The following GPM6A variants were observed in gnomAD, a reference collection of about 807,000 sequenced individuals.
The protein encoded by GPM6A is neuronal membrane glycoprotein M6-a.
Under a neutral mutation model 32.1 loss-of-function variants are expected in GPM6A, and 7 were observed. The observed-to-expected ratio is 0.22, with a 90% CI of 0.12 to 0.41. The LOEUF (loss-of-function observed/expected upper bound fraction) is 0.41, where lower values mean the gene tolerates loss of function less well. Ranked by LOEUF, GPM6A falls within the 10% of genes least tolerant of loss-of-function variation. The pLI, the probability that GPM6A is intolerant of heterozygous loss-of-function variation, is 1.00. For missense variants in GPM6A, 235 were observed against 347.2 expected (o/e 0.68, Z 2.57); for synonymous variants, 130 against 123.4 (o/e 1.05, Z -0.35).
intron 1 of GPM6A, among the ~76,000 whole-genome samples, chr4:175,866,954 C>A (rs562425212): frequency 2.0e-5 from 3 of 152,272 alleles, no homozygotes; most frequent in African/African-American, 7.2e-5. Flanking sequence ...AGATTTTGGA[C>A]ATTCTACCAG....
At chr4:175,730,598 G>C (rs995153281) in intron 1 of GPM6A, among the ~76,000 whole-genome samples, 1 of 152,076 alleles carries the variant, frequency 6.6e-6, no homozygotes, top group Non-Finnish European at 1.5e-5. Flanking sequence ...AGCCTCCTGA[G>C]TAGGTGGGAC....
chr4:175,712,628 A>G (rs73004338), intron 1 of GPM6A, among the ~76,000 whole-genome samples: 6,688 of 152,296 alleles, frequency 0.044, 288 homozygotes, highest in African/African-American at 0.11. Flanking sequence ...ACACTGAGGG[A>G]AACATGTCCC....
At chr4:175,898,592 T>A (rs1481134142) in intron 1 of GPM6A, among the ~76,000 whole-genome samples, 9 of 152,160 alleles carry the variant, frequency 5.9e-5, no homozygotes, top group African/African-American at 2.2e-4. Flanking sequence ...TGTGACTGTC[T>A]GTTTCCATTT....
intron 2 of GPM6A, among the ~76,000 whole-genome samples, chr4:175,700,493 T>A (rs928247208): frequency 1.3e-5 from 2 of 152,134 alleles, no homozygotes; most frequent in African/African-American, 4.8e-5. Context: ...TAAATGAGAA[T>A]TGTGATCAAC....
At chr4:175,880,007 T>G (rs1737218156) in intron 1 of GPM6A, among the ~76,000 whole-genome samples, 1 of 152,176 alleles carries the variant, frequency 6.6e-6, no homozygotes, top group Non-Finnish European at 1.5e-5. Flanking sequence ...TTCTAGGGAT[T>G]TTATGGTTTT....
chr4:175,677,932 C>G (rs1185847365), intron 2 of GPM6A, among the ~76,000 whole-genome samples: 1 of 152,130 alleles, frequency 6.6e-6, no homozygotes. Context: ...AAGTTTTAGC[C>G]TAAGTCAGTC....
chr4:175,896,768 A>G (rs17062216), intron 1 of GPM6A, among the ~76,000 whole-genome samples: 13,445 of 152,068 alleles, frequency 0.088, 1,875 homozygotes, highest in African/African-American at 0.3. Flanking sequence ...ATAATATCTT[A>G]GTAAAGCAAC....
intron 1 of GPM6A, among the ~76,000 whole-genome samples, chr4:175,781,744 T>C (rs17659554): frequency 0.02 from 3,073 of 152,300 alleles, 55 homozygotes; most frequent in Non-Finnish European, 0.031. Context: ...GAACTTTGGG[T>C]GTGCTATATA....
intron 1 of GPM6A, among the ~76,000 whole-genome samples, chr4:175,887,767 T>G: frequency 1.3e-5 from 2 of 152,014 alleles, no homozygotes; most frequent in Middle Eastern, 3.4e-3. Flanking sequence ...TTGAAAATGT[T>G]GATGAAATTC....
chr4:175,998,234 A>G (rs1229749353), intron 1 of GPM6A, among the ~76,000 whole-genome samples: 2 of 151,362 alleles, frequency 1.3e-5, no homozygotes, highest in Non-Finnish European at 2.9e-5. Flanking sequence ...GCTCACTGCA[A>G]CCTCTGCCTC....
intron 1 of GPM6A, among the ~76,000 whole-genome samples, chr4:175,958,824 A>T (rs2333330): frequency 0.98 from 148,936 of 152,312 alleles, 72,905 homozygotes; most frequent in East Asian, 1. Context: ...CACAGTTTAC[A>T]CTCTTACTGC....
Position 175,862,004 on chromosome 4 carries a change from T to A in GPM6A, c.-22-49755A>T, listed in dbSNP as rs527881224. ...ACTCTGTTAATCTAAAATTACCATT[T>A]GTAACTGACATAGCGTGTACATTAA... On this transcript the variant is annotated intron_variant, in intron 1 of 7. Coordinates refer to the GPM6A transcript ENST00000280187. 2.0e-5 allele frequency among the ~76,000 whole-genome samples: 3 copies of A among 152,346 alleles called. No individual in the cohort carries two copies. In the East Asian group the frequency reaches 5.8e-4, roughly 29 times the overall value.
intron 1 of GPM6A, among the ~76,000 whole-genome samples, chr4:175,907,596 A>C (rs989719633): frequency 1.3e-5 from 2 of 152,054 alleles, no homozygotes; most frequent in Admixed American, 6.6e-5. Flanking sequence ...CAGGAAAGTC[A>C]CTCTCACCTT....
intron 2 of GPM6A, among the ~76,000 whole-genome samples, chr4:175,685,017 A>G (rs13121082): frequency 0.39 from 59,946 of 151,908 alleles, 14,258 homozygotes; most frequent in Non-Finnish European, 0.51. Flanking sequence ...CCTCCCGAGT[A>G]GCTGGGACTA....
chr4:175,869,460 A>G lies in GPM6A; in HGVS notation c.-22-57211T>C, dbSNP rs1736837068. 2.6e-5 allele frequency among the ~76,000 whole-genome samples: 4 copies of G among 152,254 alleles called. No homozygotes were observed. In the South Asian group the frequency reaches 8.3e-4, roughly 32 times the overall value. ...ATATATCACATTTATTTATTTAAAAAAAAACAACAAAACTACATCTGGGCA... is the reference window on the plus strand; with the variant it reads ...ATATATCACATTTATTTATTTAAAAGAAAACAACAAAACTACATCTGGGCA... On this transcript the variant is annotated intron_variant, in intron 1 of 7. Coordinates refer to the GPM6A transcript ENST00000280187.
chr4:175,637,879 T>C (rs928202311), intron 6 of GPM6A, among the ~76,000 whole-genome samples: 1 of 117,312 alleles, frequency 8.5e-6, no homozygotes. Flanking sequence ...ATATAATATT[T>C]ATATATTATA....
chr4:175,642,297 G>A, intron 4 of GPM6A, among the ~76,000 whole-genome samples: 1 of 152,098 alleles, frequency 6.6e-6, no homozygotes, highest in East Asian at 1.9e-4. Flanking sequence ...TCTCTTCATA[G>A]TAATCCATTA....
At chr4:175,825,469 G>A (rs1052473105) in intron 1 of GPM6A, among the ~76,000 whole-genome samples, 1 of 152,098 alleles carries the variant, frequency 6.6e-6, no homozygotes, top group African/African-American at 2.4e-5. Context: ...CGCTCCCATG[G>A]TCTTTAGATT....
intron 1 of GPM6A, among the ~76,000 whole-genome samples, chr4:175,779,943 ATATAAC>A (rs1487004247): frequency 3.9e-5 from 6 of 152,166 alleles, no homozygotes; most frequent in Non-Finnish European, 8.8e-5. Flanking sequence ...GAAAAGGGTA[ATATAAC>A]TATAATAATT....
Sources: allele counts gnomAD v4.1 joint callset (sites outside exome capture counted in the v4.1 genomes callset), GRCh38; gene constraint gnomAD v4.1.1; transcripts MANE v1.5; gene names NCBI Gene and HGNC (gene_info 2026-07-23, HGNC 2026-07-21).